C12orf54: variants seen among roughly 807,000 people sequenced by gnomAD.
C12orf54 encodes the protein uncharacterized protein C12orf54.
In C12orf54, 24 loss-of-function variants were observed where a neutral mutation model predicts 26.4. That is an observed-to-expected ratio of 0.91 (90% CI 0.66 to 1.28). The LOEUF (loss-of-function observed/expected upper bound fraction) is 1.28. Ranked by LOEUF, C12orf54 falls within the 50% of genes most tolerant of loss-of-function variation. The pLI is 0.00. For synonymous variants in C12orf54, 54 were observed against 47.0 expected (o/e 1.15, Z -0.61); for missense variants, 154 against 150.9 (o/e 1.02, Z -0.11).
Position 48,486,437 on chromosome 12 carries a change from A to G in C12orf54, c.96+229A>G. The G allele has an allele frequency of 9.6e-6, 6 of 623,420 alleles. No individual in the cohort carries two copies. In the East Asian group the frequency reaches 1.6e-4, roughly 17 times the overall value. 38.6% of individuals were successfully genotyped at this position (623,420 alleles called of 1,614,324 possible). The stretch of plus-strand genomic sequence containing the variant: ...GGGCAGGCAGGCTTACAGGCATTGA[A>G]AAGATGGTAAACAAATGAGTCTGTT... On this transcript the variant is annotated intron_variant, in intron 3 of 8. Transcript: ENST00000548364.
In C12orf54 at chr12:48,487,608, A is replaced by G. The variant is rs1174966409; in HGVS notation, c.135+882A>G. On this transcript the variant is annotated intron_variant, in intron 4 of 8. Transcript: ENST00000548364. ...GAGTCAAAAGACCATCCTGTTGAGA[A>G]CAAGTAAATAATCAGGCACTTATAA... Among the ~76,000 whole-genome samples, 3 of 152,250 alleles carry G rather than the reference A, an allele frequency of 2.0e-5. No homozygotes were observed. The East Asian group carries it at 5.8e-4, about 29-fold the overall frequency.
At chr12:48,481,194 AAT>A (rs1203743273), upstream of C12orf54, among the ~76,000 whole-genome samples, 3 of 127,420 alleles carry the variant, frequency 2.4e-5, no homozygotes, top group Admixed American at 1.7e-4. Context: ...CCAAAATAAA[AAT>A]AGAGTTTTTT....
At chr12:48,443,077 T>A in the C12orf54 span, 4 of 152,266 alleles carry the variant, frequency 2.6e-5, no homozygotes, top group African/African-American at 9.6e-5. Context: ...AACATTCATA[T>A]GCAGAAATGA....
At chr12:48,455,201 G>T in the C12orf54 span, among the ~76,000 whole-genome samples, 3 of 152,188 alleles carry the variant, frequency 2.0e-5, no homozygotes, top group East Asian at 5.8e-4. Context: ...TGCACGATTT[G>T]GTTTTCTGTT....
chr12:48,465,635 T>C, the C12orf54 span, among the ~76,000 whole-genome samples: 4 of 152,154 alleles, frequency 2.6e-5, no homozygotes, highest in African/African-American at 9.6e-5. Context: ...GCATCACTAT[T>C]CAAAATAACA....
Position 48,483,289 on chromosome 12 carries a change from G to A in C12orf54, c.-8G>A, listed in dbSNP as rs1954219936. The A allele has an allele frequency of 6.2e-7, 1 of 1,613,674 alleles. No homozygotes were observed. The highest frequency in any genetic ancestry group is 8.5e-7 in the Non-Finnish European group (1 of 1,179,804). ...GCTCCAGAGTCCTTGGTTTCTGTCT[G>A]AGAACAAATGGCACAGCATCCCTGC... is the stretch of plus-strand genomic sequence containing the variant. On this transcript the variant is annotated 5_prime_UTR_variant, in exon 2 of 9. Coordinates refer to ENST00000548364, the MANE Select transcript of C12orf54 (RefSeq NM_152319.4).
chr12:48,472,844 G>C, the C12orf54 span: 2 of 1,613,988 alleles, frequency 1.2e-6, no homozygotes, highest in East Asian at 2.2e-5. Context: ...TTGCAAACTT[G>C]CCAAAGTTAA....
chr12:48,480,843 A>T (rs112167143), upstream of C12orf54, among the ~76,000 whole-genome samples: 64 of 152,340 alleles, frequency 4.2e-4, 2 homozygotes, highest in African/African-American at 1.5e-3. Context: ...AAAGTGTGGT[A>T]CATTTCTCTT....
intron 5 of C12orf54, 91 bp from the exon 6 acceptor site, chr12:48,490,721 C>A (rs1384450585): frequency 2.8e-6 from 4 of 1,442,308 alleles, no homozygotes; most frequent in South Asian, 1.2e-5. Flanking sequence ...AACAGACATC[C>A]CTGCATTTGA....
chr12:48,426,466 A>G, the C12orf54 span, among the ~76,000 whole-genome samples: 1,067 of 152,200 alleles, frequency 7.0e-3, 6 homozygotes, highest in Non-Finnish European at 0.012. Flanking sequence ...TAACAGTACC[A>G]TGTTGTATTG....
At chr12:48,417,731 CT>C in the C12orf54 span, among the ~76,000 whole-genome samples, 8 of 152,092 alleles carry the variant, frequency 5.3e-5, no homozygotes, top group Non-Finnish European at 7.4e-5. Flanking sequence ...CCTTGTCCCC[CT>C]CCCTCCCTCT....
chr12:48,461,364 A>T, the C12orf54 span, among the ~76,000 whole-genome samples: 2 of 151,972 alleles, frequency 1.3e-5, no homozygotes, highest in Non-Finnish European at 2.9e-5. Flanking sequence ...AGAAGATTTG[A>T]AAAACACTAT....
the C12orf54 span, among the ~76,000 whole-genome samples, chr12:48,426,344 C>A: frequency 7.2e-5 from 11 of 152,138 alleles, no homozygotes; most frequent in East Asian, 1.5e-3. Context: ...AATTGGGGAC[C>A]CTTTCTCCAT....
rs192375699 is a variant in C12orf54 at position 48,486,750 on chromosome 12, G to A, written c.135+24G>A. Reference sequence around the variant, plus strand: ...AGGTGAGTACAGAGGAATCATTTTTGACAGCATGGCATGAGGTGGGAGGTG... The same window carrying A: ...AGGTGAGTACAGAGGAATCATTTTTAACAGCATGGCATGAGGTGGGAGGTG... On this transcript the variant is annotated intron_variant, in intron 4 of 8. Transcript: ENST00000548364. The A allele has an allele frequency of 4.4e-6, 7 of 1,607,100 alleles. No individual in the cohort carries two copies. The Middle Eastern group carries it at 4.9e-4, about 113-fold the overall frequency.
rs1245758490 is a variant in C12orf54, at chr12:48,483,317, G to C, written c.21G>C (p.Gln7His). 3 of 1,613,976 alleles carry C rather than the reference G, an allele frequency of 1.9e-6. No individual in the cohort carries two copies. The highest frequency in any genetic ancestry group is 4.5e-5 in the East Asian group (2 of 44,848). The change falls in exon 2 of 9, where the codon CAG (glutamine) becomes CAC (histidine). Residue 7 changes from glutamine (Q) to histidine (H), a missense_variant. Coordinates refer to ENST00000548364, the MANE Select transcript of C12orf54 (RefSeq NM_152319.4). The part of the protein sequence containing the change: MAQHPC[Q>H]DQEQKVEMTS... ...AACAAATGGCACAGCATCCCTGCCA[G>C]GATCAGGAACAAAAGGTAGAAATGA...
chr12:48,416,652 A>G, the C12orf54 span, among the ~76,000 whole-genome samples: 1 of 152,142 alleles, frequency 6.6e-6, no homozygotes, highest in African/African-American at 2.4e-5. Flanking sequence ...ACCTGAGGTC[A>G]AGAGTTTGAG....
chr12:48,481,869 C>T (rs1340177631), upstream of C12orf54, among the ~76,000 whole-genome samples: 1 of 152,112 alleles, frequency 6.6e-6, no homozygotes, highest in Admixed American at 6.5e-5. Flanking sequence ...CTCCAGGGGT[C>T]TAGTTTCAAG....
At chr12:48,487,894 T>A in intron 4 of C12orf54, 1 of 582,820 alleles carries the variant, frequency 1.7e-6, no homozygotes, top group Non-Finnish European at 3.1e-6. Flanking sequence ...AGGTGGATAT[T>A]TGGTTTTATA....
the C12orf54 span, among the ~76,000 whole-genome samples, chr12:48,444,228 T>C: frequency 6.6e-6 from 1 of 152,220 alleles, no homozygotes; most frequent in Admixed American, 6.5e-5. Context: ...TAATTGTTTT[T>C]CTTTTACTCA....
Sources: allele counts gnomAD v4.1 joint callset (sites outside exome capture counted in the v4.1 genomes callset), GRCh38; gene constraint gnomAD v4.1.1; transcripts MANE v1.5; gene names NCBI Gene and HGNC (gene_info 2026-07-23, HGNC 2026-07-21).